CECR2: variants seen among roughly 807,000 people sequenced by gnomAD.
CECR2 encodes CECR2 histone acetyl-lysine reader.
A neutral mutation model predicts 154.5 loss-of-function variants in CECR2; 30 were observed. The ratio of observed to expected loss-of-function variants is 0.19; its 90% CI spans 0.15 to 0.26. The LOEUF (loss-of-function observed/expected upper bound fraction) is 0.26. Among genes scored for constraint, CECR2 ranks in the 10% least tolerant of loss-of-function variants. CECR2 has a pLI of 1.00. For synonymous variants in CECR2, 725 were observed against 683.7 expected (o/e 1.06, Z -0.94); for missense variants, 1,743 against 1,829.3 (o/e 0.95, Z 0.86).
At position 17,511,770 on chromosome 22, in the gene CECR2, C is replaced by T. The variant is rs560633584; in HGVS notation, c.871-43C>T. ...CAGCAGCATCAGTAGTTGAGAACAC[C>T]CTAATCTATCTTTTCCTTTCTCTTC... On this transcript the variant is annotated intron_variant, in intron 7 of 18. Transcript: ENST00000262608. 5.8e-4 allele frequency: 899 copies of T among 1,553,134 alleles called. 18 individuals carry two copies. In the South Asian group the frequency reaches 9.0e-3, roughly 16 times the overall value.
At chr22:17,433,994 T>C (rs2054465570) in intron 1 of CECR2, among the ~76,000 whole-genome samples, 1 of 152,200 alleles carries the variant, frequency 6.6e-6, no homozygotes, top group Admixed American at 6.5e-5. Flanking sequence ...AATAGTTCCC[T>C]GGGCATAAAA....
chr22:17,533,694 G>A (rs1052059670), intron 9 of CECR2, among the ~76,000 whole-genome samples: 1 of 141,626 alleles, frequency 7.1e-6, no homozygotes, highest in African/African-American at 2.6e-5. Context: ...AGAGCAAAGG[G>A]CCTTTTTTTG....
chr22:17,394,338 G>C (rs2053776592), intron 1 of CECR2, among the ~76,000 whole-genome samples: 2 of 151,762 alleles, frequency 1.3e-5, no homozygotes, highest in African/African-American at 4.8e-5. Context: ...GAGTGGGTGG[G>C]AGTACAGATG....
At chr22:17,471,526 GTTGTTTGTTTGT>G (rs145983028) in intron 1 of CECR2, among the ~76,000 whole-genome samples, 1 of 151,856 alleles carries the variant, frequency 6.6e-6, no homozygotes. Context: ...TATTGTTGTT[GTTGTTTGTTTGT>G]TTGTTTGATT....
At position 17,557,986 on chromosome 22, in the gene CECR2, C is replaced by A. The variant is rs2056793279; in HGVS notation, c.*5146C>A. 1 of 152,178 alleles carries A rather than the reference C, an allele frequency of 6.6e-6. No individual in the cohort carries two copies. 9.4% of individuals were successfully genotyped at this position (152,178 alleles called of 1,614,324 possible). A position where few individuals can be genotyped will look rare whatever the true frequency, so the allele number is the denominator to read the frequency against. On this transcript the variant is annotated 3_prime_UTR_variant, in exon 19 of 19. Coordinates refer to ENST00000262608, the MANE Select transcript of CECR2 (RefSeq NM_001290047.2). The stretch of plus-strand genomic sequence containing the variant: ...TATATTTTGTCGTGGTCTGCTGATT[C>A]CCTGTTTCACTGAGAGCGACACTTA...
At chr22:17,446,929 T>C (rs966170082) in intron 1 of CECR2, among the ~76,000 whole-genome samples, 1 of 133,952 alleles carries the variant, frequency 7.5e-6, no homozygotes, top group Non-Finnish European at 1.5e-5. Flanking sequence ...TACAGAACAC[T>C]GGTGCATTTT....
chr22:17,423,252 A>G (rs1415694769), intron 1 of CECR2, among the ~76,000 whole-genome samples: 1 of 151,826 alleles, frequency 6.6e-6, no homozygotes, highest in East Asian at 1.9e-4. Context: ...TTATCCCCCC[A>G]CCCTTCATGG....
chr22:17,459,490 T>G (rs2054904740), intron 1 of CECR2, among the ~76,000 whole-genome samples: 1 of 152,038 alleles, frequency 6.6e-6, no homozygotes, highest in African/African-American at 2.4e-5. Context: ...TGTTTTTGGT[T>G]TTTGTAAAGA....
chr22:17,435,687 A>T (rs2054493495), intron 1 of CECR2, among the ~76,000 whole-genome samples: 7 of 104,340 alleles, frequency 6.7e-5, no homozygotes, highest in Admixed American at 2.0e-4. Context: ...TAATTCTTAA[A>T]AAAAAAAAAA....
chr22:17,369,487 A>G lies in CECR2; in HGVS notation c.-297A>G, dbSNP rs1296962782. ...CTGTTTCTCCGGCGGGGACTCGATT[A>G]TATTGTAGGGGACTGGGGGCGGCCG... is the stretch of plus-strand genomic sequence containing the variant. On this transcript the variant is annotated 5_prime_UTR_variant, in exon 1 of 19. Transcript: ENST00000262608. 1.4e-5 allele frequency: 2 copies of G among 147,976 alleles called. No homozygotes were observed. The highest frequency in any genetic ancestry group is 4.9e-5 in the African/African-American group (2 of 40,598). The allele number at this position is 147,976 out of a possible 1,614,324, so 9.2% of individuals were successfully genotyped here.
intron 1 of CECR2, among the ~76,000 whole-genome samples, chr22:17,370,465 C>A (rs2063045178): frequency 6.6e-6 from 1 of 151,880 alleles, no homozygotes; most frequent in Admixed American, 6.6e-5. Context: ...CGGCCAACTT[C>A]GGGCCGGTGG....
At chr22:17,517,540 C>T (rs1472810179) in intron 8 of CECR2, among the ~76,000 whole-genome samples, 1 of 152,180 alleles carries the variant, frequency 6.6e-6, no homozygotes, top group Non-Finnish European at 1.5e-5. Context: ...ACAATGAATC[C>T]CACTTAATAC....
At chr22:17,361,148 G>A (rs946657174) in intron 1 of CECR2, among the ~76,000 whole-genome samples, 23 of 152,106 alleles carry the variant, frequency 1.5e-4, no homozygotes, top group Non-Finnish European at 3.1e-4. Context: ...CGGTGCCAGA[G>A]GGAGACCCTG....
At chr22:17,503,812 C>T (rs1015043279) in intron 6 of CECR2, among the ~76,000 whole-genome samples, 3 of 151,936 alleles carry the variant, frequency 2.0e-5, no homozygotes, top group African/African-American at 7.3e-5. Flanking sequence ...TTTGGGAGGT[C>T]GAGGTGGATG....
chr22:17,431,089 T>C (rs1364305073), intron 1 of CECR2, among the ~76,000 whole-genome samples: 2 of 152,212 alleles, frequency 1.3e-5, no homozygotes, highest in African/African-American at 4.8e-5. Context: ...TGTTCATCCA[T>C]ACACATTTTG....
At chr22:17,516,265 A>C (rs1002035251) in intron 8 of CECR2, among the ~76,000 whole-genome samples, 1 of 143,932 alleles carries the variant, frequency 6.9e-6, no homozygotes, top group East Asian at 1.9e-4. Context: ...ATGTACATAC[A>C]TATACACATT....
intron 1 of CECR2, among the ~76,000 whole-genome samples, chr22:17,433,743 G>A (rs2054461865): frequency 1.3e-5 from 2 of 152,156 alleles, no homozygotes; most frequent in South Asian, 4.1e-4. Flanking sequence ...CACTGTACGT[G>A]GCCTCCTATC....
rs1569165373 is a variant in CECR2, at chr22:17,557,135, T to C, written c.*4295T>C. On this transcript the variant is annotated 3_prime_UTR_variant, in exon 19 of 19. Transcript: ENST00000262608. Reference sequence around the variant, plus strand: ...GGGTGAATGTTACTGCATCCCGTTTTTTTTCTTTTCTTTTTTTTTTTTTTT... The same window carrying C: ...GGGTGAATGTTACTGCATCCCGTTTCTTTTCTTTTCTTTTTTTTTTTTTTT... 3 of 140,496 alleles carry C rather than the reference T, an allele frequency of 2.1e-5. No homozygotes were observed. Among genetic ancestry groups the C allele is most frequent in the Non-Finnish European group, 4.6e-5 (3 of 65,638 alleles). The allele number at this position is 140,496 out of a possible 1,614,324, so 8.7% of individuals were successfully genotyped here. A position where few individuals can be genotyped will look rare whatever the true frequency, so the allele number is the denominator to read the frequency against.
At chr22:17,396,391 CA>C (rs1569054283) in intron 1 of CECR2, among the ~76,000 whole-genome samples, 1 of 152,024 alleles carries the variant, frequency 6.6e-6, no homozygotes, top group African/African-American at 2.4e-5. Context: ...CTACGAAATA[CA>C]AAAATTAGCT....
Sources: gnomAD v4.1 joint callset for allele counts (sites outside exome capture counted in the v4.1 genomes callset) on GRCh38, gnomAD v4.1.1 for gene constraint, MANE v1.5 for transcripts, NCBI Gene and HGNC (gene_info 2026-07-23, HGNC 2026-07-21) for gene names.